TCERG1: variants seen among roughly 807,000 people sequenced by gnomAD.
The protein encoded by TCERG1 is TATA box binding protein (TBP)-associated factor, RNA polymerase II, S, 150kD.
A neutral mutation model predicts 144.7 loss-of-function variants in TCERG1; 37 were observed. The observed-to-expected ratio is 0.26, with a 90% CI of 0.20 to 0.34. TCERG1 has a LOEUF of 0.34. Among genes scored for constraint, TCERG1 ranks in the 10% least tolerant of loss-of-function variants. The pLI is 1.00. For missense variants in TCERG1, 1,027 were observed against 1,380.7 expected, an observed-to-expected ratio of 0.74 and a Z score of 4.06; for synonymous variants, 492 against 458.2, an observed-to-expected ratio of 1.07 and a Z score of -0.94.
At chr5:146,479,982 C>T (rs954966166) in intron 11 of TCERG1, 46 bp from the exon 12 acceptor site, 4 of 1,593,986 alleles carry the variant, frequency 2.5e-6, no homozygotes, top group African/African-American at 1.3e-5. Flanking sequence ...TAGTGATTAG[C>T]AGAAGGATTC....
In TCERG1 at chr5:146,474,095, G is replaced by A. The variant is rs139158092; in HGVS notation, c.1601+2519G>A. 1.2e-4 allele frequency among the ~76,000 whole-genome samples: 19 copies of A among 152,144 alleles called. No homozygotes were observed. In the East Asian group the frequency reaches 3.7e-3, roughly 30 times the overall value. The stretch of plus-strand genomic sequence containing the variant: ...ATTGTGATTCCTCTGGTGGATCTGG[G>A]CAAAGTCAATAGAACACCTTCTGTA... On this transcript the variant is annotated intron_variant, in intron 9 of 22. Coordinates refer to ENST00000679501, the MANE Select transcript of TCERG1 (RefSeq NM_001382548.1).
intron 1 of TCERG1, among the ~76,000 whole-genome samples, chr5:146,454,619 A>G (rs1437895099): frequency 2.7e-5 from 4 of 150,780 alleles, no homozygotes; most frequent in Non-Finnish European, 4.4e-5. Flanking sequence ...GTTTTTTGAG[A>G]TGGAGCCTTG....
At position 146,503,405 on chromosome 5, in the gene TCERG1, A is replaced by T. The variant is rs755292554; in HGVS notation, c.2464A>T (p.Asn822Tyr). Reference protein sequence around the residue: ...IKSDFFELLSNHHLDSQSRWS... With the variant: ...IKSDFFELLSYHHLDSQSRWS... The stretch of plus-strand genomic sequence containing the variant: ...ATCGGATTTCTTTGAACTATTATCT[A>T]ATCATCACTTGGACAGTCAGTCTCG... The change falls in exon 18 of 23, where the codon AAT becomes TAT. Residue 822 changes from asparagine to tyrosine, a missense_variant. By Grantham distance (143) the Asn-to-Tyr change is moderately radical. Around this residue, in one of 6 missense-constraint regions of TCERG1, gnomAD observed 482 missense variants for 632.6 expected, o/e 0.76. Transcript: ENST00000679501. The T allele has an allele frequency of 6.2e-7, 1 of 1,613,608 alleles. No individual in the cohort carries two copies. The highest frequency in any genetic ancestry group is 8.5e-7 in the Non-Finnish European group (1 of 1,179,800).
At chr5:146,464,791 C>G (rs1864969) in intron 5 of TCERG1, among the ~76,000 whole-genome samples, 37,275 of 152,038 alleles carry the variant, frequency 0.25, 5,684 homozygotes, top group East Asian at 0.83. Context: ...TCTTATACTC[C>G]TTTCTGTGTA....
At chr5:146,497,746 T>C (rs1767066186) in intron 16 of TCERG1, among the ~76,000 whole-genome samples, 1 of 152,248 alleles carries the variant, frequency 6.6e-6, no homozygotes, top group East Asian at 1.9e-4. Flanking sequence ...ATGTTTCTTT[T>C]AGCCTTCCAG....
At chr5:146,454,917 A>T in intron 1 of TCERG1, 139 bp from the exon 2 acceptor site, 1 of 883,946 alleles carries the variant, frequency 1.1e-6, no homozygotes, top group Non-Finnish European at 1.7e-6. Context: ...AGTTTTTATC[A>T]TGACGGTTGC....
chr5:146,465,772 C>T (rs1763724585), intron 5 of TCERG1, among the ~76,000 whole-genome samples: 1 of 152,134 alleles, frequency 6.6e-6, no homozygotes, highest in South Asian at 2.1e-4. Context: ...TGGCTTACGC[C>T]TGTAATCCCA....
At chr5:146,448,476 TATGGGAGAA>T (rs1490749330) in intron 1 of TCERG1, among the ~76,000 whole-genome samples, 4 of 152,236 alleles carry the variant, frequency 2.6e-5, no homozygotes, top group Non-Finnish European at 5.9e-5. Flanking sequence ...TTTTTTTCTG[TATGGGAGAA>T]ATGGCATTTC....
At chr5:146,492,838 A>G in intron 15 of TCERG1, 82 bp from the exon 16 acceptor site, 1 of 965,318 alleles carries the variant, frequency 1.0e-6, no homozygotes, top group Non-Finnish European at 1.6e-6. Flanking sequence ...TATAGTTTGG[A>G]CAAAGACATT....
chr5:146,494,513 A>G (rs888606534), intron 16 of TCERG1, among the ~76,000 whole-genome samples: 1 of 152,174 alleles, frequency 6.6e-6, no homozygotes. Flanking sequence ...GATCTGTATT[A>G]TGCAGGTTAC....
chr5:146,454,831 C>G (rs924858136), intron 1 of TCERG1, among the ~76,000 whole-genome samples: 2 of 152,168 alleles, frequency 1.3e-5, no homozygotes, highest in Non-Finnish European at 2.9e-5. Context: ...CTCCTGACCT[C>G]AGGTGATCCA....
intron 19 of TCERG1, among the ~76,000 whole-genome samples, chr5:146,506,818 A>C (rs1768045598): frequency 6.6e-6 from 1 of 152,182 alleles, no homozygotes; most frequent in African/African-American, 2.4e-5. Context: ...TCCATGCCAT[A>C]AATGAATAGA....
intron 2 of TCERG1, 67 bp from the exon 3 acceptor site, chr5:146,457,116 T>G (rs374817666): frequency 1.4e-5 from 22 of 1,564,366 alleles, no homozygotes; most frequent in Non-Finnish European, 1.9e-5. Context: ...TACTTTTGAA[T>G]AGAATTCAGT....
At chr5:146,497,346 T>C (rs1581550791) in intron 16 of TCERG1, among the ~76,000 whole-genome samples, 1 of 152,110 alleles carries the variant, frequency 6.6e-6, no homozygotes, top group Non-Finnish European at 1.5e-5. Flanking sequence ...GGAGTCTCAC[T>C]GTGTTGCTTA....
chr5:146,456,889 A>T (rs558785997), intron 2 of TCERG1, among the ~76,000 whole-genome samples: 7 of 152,324 alleles, frequency 4.6e-5, no homozygotes, highest in East Asian at 1.9e-4. Context: ...TCAATTTTTT[A>T]AAAAAAGTAA....
intron 5 of TCERG1, 144 bp downstream of exon 5, chr5:146,463,937 A>G: frequency 5.9e-6 from 7 of 1,181,248 alleles, no homozygotes; most frequent in Non-Finnish European, 7.2e-6. Flanking sequence ...TAACTGCAAT[A>G]TTTTCTCTTA....
chr5:146,510,191 C>T, intron 22 of TCERG1: 1 of 956,744 alleles, frequency 1.0e-6, no homozygotes, highest in Admixed American at 2.7e-5. Flanking sequence ...ACCCACCCAC[C>T]CTCAGCCCTG....
intron 1 of TCERG1, among the ~76,000 whole-genome samples, chr5:146,454,622 G>A (rs1762666200): frequency 6.6e-6 from 1 of 151,788 alleles, no homozygotes; most frequent in South Asian, 2.1e-4. Flanking sequence ...TTTTGAGATG[G>A]AGCCTTGCTC....
chr5:146,483,467 T>C (rs1342620090), intron 14 of TCERG1, 73 bp from the exon 15 acceptor site: 3 of 1,362,214 alleles, frequency 2.2e-6, no homozygotes, highest in Admixed American at 4.0e-5. Context: ...ATCCTGTAGA[T>C]TTCAAGCAAA....
Sources: allele counts gnomAD v4.1 joint callset (sites outside exome capture counted in the v4.1 genomes callset), GRCh38; gene constraint gnomAD v4.1.1; regional missense constraint gnomAD v4.1.1; transcripts MANE v1.5; gene names NCBI Gene and HGNC (gene_info 2026-07-23, HGNC 2026-07-21).